Variants in ELMO1 observed in about 807,000 individuals in gnomAD.
The protein encoded by ELMO1 is engulfment and cell motility 1, also known as engulfment and cell motility protein 1.
ELMO1 carries 26 observed loss-of-function variants against 98.9 expected under a neutral mutation model. That is an observed-to-expected ratio of 0.26 (90% CI 0.19 to 0.36). The LOEUF (loss-of-function observed/expected upper bound fraction) is 0.36, where lower values mean the gene tolerates loss of function less well. ELMO1 is among the 10% of genes least tolerant of loss of function. The pLI is 1.00. For synonymous variants in ELMO1, 346 were observed against 346.0 expected (o/e 1.00, Z 0.00); for missense variants, 627 against 935.2 (o/e 0.67, Z 4.30).
At chr7:37,184,692 G>A (rs1242982927) in intron 13 of ELMO1, among the ~76,000 whole-genome samples, 1 of 152,084 alleles carries the variant, frequency 6.6e-6, no homozygotes, top group Non-Finnish European at 1.5e-5. Flanking sequence ...CAGATCACTT[G>A]AGCCTGGGAG....
Position 36,988,930 on chromosome 7 carries a change from C to T in ELMO1, c.1437+24369G>A, listed in dbSNP as rs75588582. ...CCCATCCTAACACACCAACATAACC[C>T]AAGATATATATTCCTCAGCTGATAT... On this transcript the variant is annotated intron_variant, in intron 16 of 21. Coordinates refer to ENST00000310758, the MANE Select transcript of ELMO1 (RefSeq NM_014800.11). Among the ~76,000 whole-genome samples the T allele has an allele frequency of 3.5e-3, 540 of 152,286 alleles. 2 individuals are homozygous for T. The highest frequency in any genetic ancestry group is 0.013 in the African/African-American group (521 of 41,554).
At chr7:37,082,995 G>T (rs1562989157) in intron 15 of ELMO1, among the ~76,000 whole-genome samples, 2 of 152,338 alleles carry the variant, frequency 1.3e-5, no homozygotes, top group South Asian at 4.1e-4. Context: ...GTTACAGTCA[G>T]CATATTGGTT....
chr7:36,945,233 A>G lies in ELMO1; in HGVS notation c.1438-50216T>C, dbSNP rs557178306. ...TCTCAAAGCCTTTGTAGGATATAAAATAAGTTTTTAAGTTACTATTGCTAT... is the reference window on the plus strand; with the variant it reads ...TCTCAAAGCCTTTGTAGGATATAAAGTAAGTTTTTAAGTTACTATTGCTAT... On this transcript the variant is annotated intron_variant, in intron 16 of 21. Coordinates refer to ENST00000310758, the MANE Select transcript of ELMO1 (RefSeq NM_014800.11). 3.1e-4 allele frequency among the ~76,000 whole-genome samples: 47 copies of G among 152,360 alleles called. 2 individuals carry two copies. The South Asian group carries it at 9.1e-3, about 30-fold the overall frequency.
intron 16 of ELMO1, among the ~76,000 whole-genome samples, chr7:36,974,631 C>T (rs912433245): frequency 6.6e-6 from 1 of 151,924 alleles, no homozygotes; most frequent in African/African-American, 2.4e-5. Flanking sequence ...CTCTACCAAT[C>T]AGCAGGACAT....
chr7:37,013,261 T>C (rs767520864), intron 16 of ELMO1, 38 bp downstream of exon 16: 1 of 1,611,500 alleles, frequency 6.2e-7, no homozygotes, highest in Non-Finnish European at 8.5e-7. Context: ...CCTTTAGCGC[T>C]GCGGGAATCC....
intron 16 of ELMO1, among the ~76,000 whole-genome samples, chr7:36,927,626 A>G (rs1785687074): frequency 6.6e-6 from 1 of 152,184 alleles, no homozygotes; most frequent in Admixed American, 6.5e-5. Flanking sequence ...ACAGTACACA[A>G]GGCAGCCCAG....
intron 2 of ELMO1, among the ~76,000 whole-genome samples, chr7:37,332,298 T>C (rs1465605131): frequency 6.6e-6 from 1 of 152,262 alleles, no homozygotes; most frequent in Non-Finnish European, 1.5e-5. Context: ...TGTATTATTG[T>C]CTGTATCAAT....
chr7:37,130,757 TTGTG>T (rs10649292), intron 14 of ELMO1, among the ~76,000 whole-genome samples: 32,471 of 150,706 alleles, frequency 0.22, 5,465 homozygotes, highest in African/African-American at 0.47. Flanking sequence ...ATACATGTGT[TTGTG>T]TGTGTGTGTG....
chr7:36,878,443 T>G (rs1484482954), intron 18 of ELMO1, among the ~76,000 whole-genome samples: 2 of 152,132 alleles, frequency 1.3e-5, no homozygotes, highest in African/African-American at 4.8e-5. Context: ...CTGCTCCTTA[T>G]TCATTTACTG....
chr7:36,882,198 G>A (rs955937454), intron 18 of ELMO1, among the ~76,000 whole-genome samples: 3 of 152,342 alleles, frequency 2.0e-5, no homozygotes, highest in Admixed American at 6.5e-5. Context: ...TATTAGGGAG[G>A]AGAACAGGTT....
chr7:37,116,055 T>A (rs993184500), intron 14 of ELMO1, among the ~76,000 whole-genome samples: 1 of 152,160 alleles, frequency 6.6e-6, no homozygotes, highest in South Asian at 2.1e-4. Flanking sequence ...TAAAACACAA[T>A]GTCTATTAAT....
At chr7:37,058,579 G>T (rs1796510937) in intron 15 of ELMO1, among the ~76,000 whole-genome samples, 1 of 152,122 alleles carries the variant, frequency 6.6e-6, no homozygotes, top group African/African-American at 2.4e-5. Context: ...GACGCGAAAT[G>T]ATTCTGTGTC....
intron 16 of ELMO1, among the ~76,000 whole-genome samples, chr7:36,947,362 A>G (rs184092892): frequency 8.9e-4 from 135 of 152,098 alleles, no homozygotes; most frequent in African/African-American, 2.9e-3. Context: ...TTATTCTCAC[A>G]TTCTCTATCT....
At chr7:37,322,285 C>G (rs1464339641) in intron 2 of ELMO1, among the ~76,000 whole-genome samples, 1 of 152,028 alleles carries the variant, frequency 6.6e-6, no homozygotes, top group African/African-American at 2.4e-5. Context: ...TGAGACCAGC[C>G]TAGGCAACAT....
chr7:37,063,451 TA>T (rs1020207586), intron 15 of ELMO1, among the ~76,000 whole-genome samples: 28 of 152,010 alleles, frequency 1.8e-4, no homozygotes, highest in African/African-American at 4.4e-4. Flanking sequence ...TAAACAAAGT[TA>T]AAAAAAATTA....
intron 15 of ELMO1, among the ~76,000 whole-genome samples, chr7:37,032,129 G>A (rs1340752536): frequency 6.6e-6 from 1 of 152,098 alleles, no homozygotes; most frequent in Non-Finnish European, 1.5e-5. Flanking sequence ...CTACTGATTG[G>A]CTTCCTTTGT....
At chr7:37,222,466 T>C (rs745358108) in intron 10 of ELMO1, 149 bp downstream of exon 10, 16 of 770,544 alleles carry the variant, frequency 2.1e-5, no homozygotes, top group African/African-American at 3.5e-5. Context: ...GGGCCAGCCG[T>C]GCAGCGGAAC....
rs528283538 is a variant in ELMO1 at position 36,879,726 on chromosome 7, C to G, written c.1715-1609G>C. Among the ~76,000 whole-genome samples the G allele has an allele frequency of 1.3e-3, 196 of 151,982 alleles. 2 individuals carry two copies. The highest frequency in any genetic ancestry group is 2.6e-3 in the Non-Finnish European group (174 of 68,016). ...CCATAGATTTAAAGGAATCTGAACT[C>G]TAGTGGAAAAAATTGAGTGGGAAAA... is the stretch of plus-strand genomic sequence containing the variant. On this transcript the variant is annotated intron_variant, in intron 18 of 21. Coordinates refer to ENST00000310758, the MANE Select transcript of ELMO1 (RefSeq NM_014800.11).
intron 4 of ELMO1, among the ~76,000 whole-genome samples, chr7:37,279,197 C>T (rs1341984665): frequency 1.4e-5 from 2 of 145,812 alleles, no homozygotes; most frequent in African/African-American, 2.6e-5. Context: ...AGCGAAACTC[C>T]GTTTCAAAAA....
Sources: gnomAD v4.1 joint callset for allele counts (sites outside exome capture counted in the v4.1 genomes callset) on GRCh38, gnomAD v4.1.1 for gene constraint, MANE v1.5 for transcripts, NCBI Gene and HGNC (gene_info 2026-07-23, HGNC 2026-07-21) for gene names.